The following LSAMP variants were observed in gnomAD, a reference collection of about 807,000 sequenced individuals.
The protein encoded by LSAMP is limbic system-associated membrane protein.
Under a neutral mutation model 38.6 loss-of-function variants are expected in LSAMP, and 7 were observed. The observed-to-expected ratio is 0.18, with a 90% confidence interval of 0.10 to 0.34. The LOEUF (loss-of-function observed/expected upper bound fraction) is 0.34, where lower values mean the gene tolerates loss of function less well. Among genes scored for constraint, LSAMP ranks in the 10% least tolerant of loss-of-function variants. The probability of loss-of-function intolerance (pLI) is 1.00; values close to 1 mark genes in which losing one functional copy is unlikely to be tolerated. For synonymous variants in LSAMP, 154 were observed against 166.8 expected, an observed-to-expected ratio of 0.92 and a Z score of 0.59; for missense variants, 313 against 420.0, an observed-to-expected ratio of 0.75 and a Z score of 2.23.
chr3:116,387,541 CA>C (rs1397674961), intron 1 of LSAMP, among the ~76,000 whole-genome samples: 3 of 151,870 alleles, frequency 2.0e-5, no homozygotes, highest in Admixed American at 6.6e-5. Flanking sequence ...CAAAAACTAA[CA>C]AAAAAACTTA....
At chr3:116,276,857 C>A (rs1174728026) in intron 1 of LSAMP, among the ~76,000 whole-genome samples, 1 of 152,114 alleles carries the variant, frequency 6.6e-6, no homozygotes, top group Non-Finnish European at 1.5e-5. Flanking sequence ...GGCAGACAGG[C>A]AGTGACCGTT....
intron 2 of LSAMP, among the ~76,000 whole-genome samples, chr3:116,030,130 A>G (rs957804948): frequency 1.3e-5 from 2 of 152,150 alleles, no homozygotes; most frequent in Non-Finnish European, 2.9e-5. Context: ...AGAGTCCCTT[A>G]GTCTACCTAA....
At chr3:115,905,392 GAAAA>G (rs561768308) in intron 3 of LSAMP, among the ~76,000 whole-genome samples, 28 of 151,654 alleles carry the variant, frequency 1.8e-4, no homozygotes, top group Admixed American at 6.6e-4. Flanking sequence ...ATGGCATCCT[GAAAA>G]AAAATCAATG....
At chr3:116,296,183 A>T (rs1194964072) in intron 1 of LSAMP, among the ~76,000 whole-genome samples, 4 of 152,212 alleles carry the variant, frequency 2.6e-5, no homozygotes, top group Non-Finnish European at 4.4e-5. Context: ...GAGTGTAAAG[A>T]AGACTTTCTT....
chr3:116,032,374 T>G (rs1236825295), intron 2 of LSAMP, among the ~76,000 whole-genome samples: 1 of 152,116 alleles, frequency 6.6e-6, no homozygotes, highest in Admixed American at 6.6e-5. Flanking sequence ...CACCCTTACA[T>G]TGGTTGGACA....
chr3:115,936,396 A>T (rs1937702675), intron 3 of LSAMP, among the ~76,000 whole-genome samples: 1 of 152,190 alleles, frequency 6.6e-6, no homozygotes, highest in African/African-American at 2.4e-5. Context: ...TGATTGCTTC[A>T]TGCTTTTATT....
At chr3:115,941,269 C>A (rs1331319264) in intron 3 of LSAMP, among the ~76,000 whole-genome samples, 1 of 151,758 alleles carries the variant, frequency 6.6e-6, no homozygotes, top group Non-Finnish European at 1.5e-5. Flanking sequence ...TGGGTATCCT[C>A]AAAAAAACAG....
Position 116,322,491 on chromosome 3 carries a change from C to A in LSAMP, c.155+122386G>T, listed in dbSNP as rs6810089. Reference sequence around the variant, plus strand: ...GAAATGTTAGTGATAGATAGATTATCGGTACACAAGTCACATGCAAACACC... The same window carrying A: ...GAAATGTTAGTGATAGATAGATTATAGGTACACAAGTCACATGCAAACACC... On this transcript the variant is annotated intron_variant, in intron 1 of 6. Coordinates refer to ENST00000490035, the MANE Select transcript of LSAMP (RefSeq NM_002338.5). Among the ~76,000 whole-genome samples the A allele has an allele frequency of 2.6e-5, 4 of 151,960 alleles. No individual in the cohort carries two copies. In the East Asian group the frequency reaches 7.7e-4, roughly 29 times the overall value.
At chr3:115,950,501 AAAAT>A (rs1288921025) in intron 3 of LSAMP, among the ~76,000 whole-genome samples, 1 of 152,198 alleles carries the variant, frequency 6.6e-6, no homozygotes, top group Non-Finnish European at 1.5e-5. Flanking sequence ...AAGCTGCAAA[AAAAT>A]AAATAAATTG....
chr3:116,041,819 A>AAAAAAAAC (rs1559931005), intron 2 of LSAMP, among the ~76,000 whole-genome samples: 2 of 145,644 alleles, frequency 1.4e-5, no homozygotes, highest in African/African-American at 2.6e-5. Flanking sequence ...AACAAAACAA[A>AAAAAAAAC]AAAAAAACAC....
intron 1 of LSAMP, among the ~76,000 whole-genome samples, chr3:116,163,699 T>G (rs1036829616): frequency 1.3e-5 from 2 of 151,998 alleles, no homozygotes; most frequent in African/African-American, 2.4e-5. Flanking sequence ...ACCAACAGTG[T>G]AAAAGTGTTC....
At chr3:115,869,372 T>C (rs987441164) in intron 3 of LSAMP, among the ~76,000 whole-genome samples, 4 of 151,876 alleles carry the variant, frequency 2.6e-5, no homozygotes, top group African/African-American at 9.7e-5. Context: ...CTCTACTTGA[T>C]GAGTACCAGC....
At chr3:116,094,746 T>G (rs567123375) in intron 1 of LSAMP, among the ~76,000 whole-genome samples, 1 of 152,314 alleles carries the variant, frequency 6.6e-6, no homozygotes, top group East Asian at 1.9e-4. Flanking sequence ...ACAGTTTAGA[T>G]CCTGAAGAGG....
At chr3:116,231,461 T>C (rs2046402004) in intron 1 of LSAMP, among the ~76,000 whole-genome samples, 1 of 152,178 alleles carries the variant, frequency 6.6e-6, no homozygotes, top group Non-Finnish European at 1.5e-5. Flanking sequence ...ATCTAAATTT[T>C]ATAAAGGAGC....
chr3:116,123,546 G>C (rs756602369), intron 1 of LSAMP, among the ~76,000 whole-genome samples: 2 of 151,042 alleles, frequency 1.3e-5, no homozygotes, highest in Non-Finnish European at 3.0e-5. Flanking sequence ...AACTTGAAGA[G>C]CAAAAGCCAT....
chr3:116,360,419 A>G (rs377702955), intron 1 of LSAMP, among the ~76,000 whole-genome samples: 1 of 10,870 alleles, frequency 9.2e-5, no homozygotes, highest in African/African-American at 5.6e-4. Context: ...CAAGGCGGCA[A>G]CGAGGCTGGG....
At chr3:116,371,223 C>G (rs2048425352) in intron 1 of LSAMP, among the ~76,000 whole-genome samples, 1 of 152,078 alleles carries the variant, frequency 6.6e-6, no homozygotes, top group Admixed American at 6.6e-5. Context: ...ACCCTGATAT[C>G]AAAGCAGAAA....
At chr3:115,851,294 A>G (rs1203479715) in intron 4 of LSAMP, among the ~76,000 whole-genome samples, 9 of 152,138 alleles carry the variant, frequency 5.9e-5, no homozygotes, top group Non-Finnish European at 1.3e-4. Context: ...TCTTAACTCA[A>G]TGCTGCACAT....
At chr3:116,017,468 G>A (rs1940515376) in intron 3 of LSAMP, among the ~76,000 whole-genome samples, 2 of 152,038 alleles carry the variant, frequency 1.3e-5, no homozygotes, top group South Asian at 4.1e-4. Flanking sequence ...TAGAAAAGGT[G>A]AGACAAAATA....
Sources: gnomAD v4.1 joint callset for allele counts (sites outside exome capture counted in the v4.1 genomes callset) on GRCh38, gnomAD v4.1.1 for gene constraint, MANE v1.5 for transcripts, NCBI Gene and HGNC (gene_info 2026-07-23, HGNC 2026-07-21) for gene names.